The following PC variants were observed in gnomAD, a reference collection of about 807,000 sequenced individuals.
The protein encoded by PC is pyruvate carboxylase.
In PC, 46 loss-of-function variants were observed where a neutral mutation model predicts 107.8. That is an observed-to-expected ratio of 0.43 (90% CI 0.34 to 0.55). The LOEUF (loss-of-function observed/expected upper bound fraction) is 0.55. PC is among the 20% of genes least tolerant of loss of function. The pLI is 0.04. For synonymous variants in PC, 662 were observed against 684.7 expected (o/e 0.97, Z 0.52); for missense variants, 1,241 against 1,643.1 (o/e 0.76, Z 4.23).
intron 3 of PC, among the ~76,000 whole-genome samples, chr11:66,929,919 A>C (rs1020424794): frequency 3.9e-5 from 6 of 152,220 alleles, no homozygotes; most frequent in Non-Finnish European, 8.8e-5. Context: ...GTTAACACTG[A>C]AGCTTTTATC....
At position 66,887,271 on chromosome 11, in the gene PC, G is replaced by A. The variant is rs149731192; in HGVS notation, c.1-15112C>T. On this transcript the variant is annotated intron_variant, in intron 3 of 22. Transcript: ENST00000393960. Reference sequence around the variant, plus strand: ...TGGTGTCTCATTTTTCAGTGTGAACGGTCAGCGAACCACCACCAGATATTT... The same window carrying A: ...TGGTGTCTCATTTTTCAGTGTGAACAGTCAGCGAACCACCACCAGATATTT... Among the ~76,000 whole-genome samples the A allele has an allele frequency of 2.6e-5, 4 of 152,112 alleles. No homozygotes were observed. The South Asian group carries it at 6.2e-4, about 24-fold the overall frequency.
chr11:66,924,842 G>A (rs989391886), intron 3 of PC, among the ~76,000 whole-genome samples: 2 of 152,166 alleles, frequency 1.3e-5, no homozygotes, highest in African/African-American at 2.4e-5. Context: ...GGTATCGGGG[G>A]AAACAGCCCC....
chr11:66,918,837 C>A (rs1948527153), intron 3 of PC, among the ~76,000 whole-genome samples: 1 of 152,104 alleles, frequency 6.6e-6, no homozygotes, highest in Non-Finnish European at 1.5e-5. Flanking sequence ...AAGCAGAGCC[C>A]CAGCCCAGTG....
chr11:66,945,967 T>G (rs1228062823), intron 3 of PC, among the ~76,000 whole-genome samples: 1 of 150,696 alleles, frequency 6.6e-6, no homozygotes, highest in Admixed American at 6.6e-5. Flanking sequence ...GCGCCTGTAG[T>G]CCCAGCTACT....
chr11:66,854,858 G>A (rs1237189367), intron 12 of PC, among the ~76,000 whole-genome samples: 2 of 152,168 alleles, frequency 1.3e-5, no homozygotes, highest in Non-Finnish European at 2.9e-5. Flanking sequence ...CCTGAGCCTC[G>A]CCCCTGCCTC....
In PC at chr11:66,852,383, C is replaced by A; in HGVS notation, c.1825+56G>T. The A allele has an allele frequency of 2.9e-6, 4 of 1,387,994 alleles. No homozygotes were observed. The highest frequency in any genetic ancestry group is 3.5e-4 in the Middle Eastern group (2 of 5,646). The allele number at this position is 1,387,994 out of a possible 1,614,324, so 86.0% of individuals were successfully genotyped here. On this transcript the variant is annotated intron_variant, in intron 15 of 22. Coordinates refer to ENST00000393960, the MANE Select transcript of PC (RefSeq NM_001040716.2). This position sits in a 1 kb window ranked among gnomAD's most constrained non-coding sequence, Gnocchi z 4.7. ...TCCCCAGTGGCCTAAGCCTGTGGGA[C>A]TGGCCACAGAGCGGGCGCCCATTCC...
chr11:66,875,416 A>C (rs1401416262), intron 3 of PC, among the ~76,000 whole-genome samples: 2 of 152,120 alleles, frequency 1.3e-5, no homozygotes, highest in Admixed American at 1.3e-4. Flanking sequence ...AGGCAAGCTC[A>C]CAGAGGGGGA....
chr11:66,916,210 C>CTTGT (rs1948459441), intron 3 of PC, among the ~76,000 whole-genome samples: 2 of 152,330 alleles, frequency 1.3e-5, no homozygotes, highest in East Asian at 3.9e-4. Flanking sequence ...CAGCTGTAGA[C>CTTGT]AGCAAGCCTG....
Position 66,850,211 on chromosome 11 carries a change from C to G in PC, c.2718+9G>C, listed in dbSNP as rs201942341. 8 of 1,613,920 alleles carry G rather than the reference C, an allele frequency of 5.0e-6. No individual in the cohort carries two copies. The highest frequency in any genetic ancestry group is 5.9e-6 in the Non-Finnish European group (7 of 1,180,020). ...CTGGGTCAGGTAAGGAGCACCGGGC[C>G]GGGCTCACCTTGATGAGATCGCCCA... On this transcript the variant is annotated intron_variant, in intron 19 of 22. Transcript: ENST00000393960.
At position 66,858,499 on chromosome 11, in the gene PC, A is replaced by C; in HGVS notation, c.1369-5116T>G. On this transcript the variant is annotated intron_variant, in intron 12 of 22. Transcript: ENST00000393960. This position sits in a 1 kb window ranked among gnomAD's most constrained non-coding sequence, Gnocchi z 5.9. The stretch of plus-strand genomic sequence containing the variant: ...TGGCTGCGGCGGCTGGCGCGGCCGG[A>C]CGACCTGGAAACGTGCGCCTCCCCG... The C allele has an allele frequency of 6.5e-7, 1 of 1,537,542 alleles. No individual in the cohort carries two copies. The highest frequency in any genetic ancestry group is 8.7e-7 in the Non-Finnish European group (1 of 1,147,714).
Position 66,857,921 on chromosome 11 carries a change from C to T in PC, c.1369-4538G>A, listed in dbSNP as rs915620050. ...TGGAGCTGCGGCTGGCTGACAACTT[C>T]ATCCAGGCCCTGGGGCCCCCTGACT... On this transcript the variant is annotated intron_variant, in intron 12 of 22. Transcript: ENST00000393960. The surrounding 1 kb of genome is among the most constrained non-coding windows in gnomAD (Gnocchi z 7.1). 1.9e-6 allele frequency: 3 copies of T among 1,612,358 alleles called. No individual in the cohort carries two copies. Among genetic ancestry groups the T allele is most frequent in the Non-Finnish European group, 2.5e-6 (3 of 1,179,920 alleles).
intron 3 of PC, among the ~76,000 whole-genome samples, chr11:66,907,246 G>A (rs1056376035): frequency 1.3e-5 from 2 of 152,170 alleles, no homozygotes; most frequent in Non-Finnish European, 2.9e-5. Flanking sequence ...ACCTGTTCTC[G>A]GCCAGGAACA....
intron 3 of PC, among the ~76,000 whole-genome samples, chr11:66,900,250 G>A (rs1011433212): frequency 1.5e-5 from 2 of 133,026 alleles, no homozygotes; most frequent in Non-Finnish European, 3.1e-5. Context: ...GCACGATCTC[G>A]GCTCACTGCA....
chr11:66,955,232 A>G (rs58462309), intron 1 of PC, among the ~76,000 whole-genome samples: 26,552 of 152,140 alleles, frequency 0.17, 2,844 homozygotes, highest in African/African-American at 0.29. Context: ...AGAGGGACAC[A>G]GGGAACTGTG....
chr11:66,908,772 G>A (rs1948245639), intron 3 of PC, among the ~76,000 whole-genome samples: 4 of 152,156 alleles, frequency 2.6e-5, no homozygotes, highest in Admixed American at 2.6e-4. Flanking sequence ...ACGTAAGTGC[G>A]CCCTGATCCA....
In PC at chr11:66,853,387, C is replaced by T. The variant is rs2135822186; in HGVS notation, c.1369-4G>A. On this transcript the variant is annotated splice_region_variant and splice_polypyrimidine_tract_variant and intron_variant, in intron 12 of 22. Coordinates refer to ENST00000393960, the MANE Select transcript of PC (RefSeq NM_001040716.2). ...TCTGCAGGAAGGCGATGTTGGTCTG[C>T]AGGACAGAGGCGGGTGGGAGGGGGT... 5 of 1,613,552 alleles carry T rather than the reference C, an allele frequency of 3.1e-6. No homozygotes were observed. Among genetic ancestry groups the T allele is most frequent in the Non-Finnish European group, 4.2e-6 (5 of 1,179,762 alleles).
chr11:66,900,847 A>C (rs1947929259), intron 3 of PC, among the ~76,000 whole-genome samples: 1 of 152,160 alleles, frequency 6.6e-6, no homozygotes, highest in Non-Finnish European at 1.5e-5. Context: ...ATGTCCTGCA[A>C]CCTTGCTGAA....
At chr11:66,856,878 G>A (rs1474029103) in intron 12 of PC, 3 of 148,666 alleles carry the variant, frequency 2.0e-5, no homozygotes, top group Non-Finnish European at 3.0e-5. Context: ...AGTGCGCTGC[G>A]GCAGCGCCGG....
At position 66,857,832 on chromosome 11, in the gene PC, C is replaced by T. The variant is rs1348530517; in HGVS notation, c.1369-4449G>A. The T allele has an allele frequency of 5.6e-6, 9 of 1,605,504 alleles. No individual in the cohort carries two copies. The highest frequency in any genetic ancestry group is 1.3e-5 in the African/African-American group (1 of 74,880). ...CGTCTGCCAGAACCTGTCCGAGTCG[C>T]TCAGCACCCTCTGTGCCCACCGAGG... On this transcript the variant is annotated intron_variant, in intron 12 of 22. Coordinates refer to ENST00000393960, the MANE Select transcript of PC (RefSeq NM_001040716.2). The surrounding 1 kb of genome is among the most constrained non-coding windows in gnomAD (Gnocchi z 7.1).
Sources: gnomAD v4.1 joint callset for allele counts (sites outside exome capture counted in the v4.1 genomes callset) on GRCh38, gnomAD v4.1.1 for gene constraint, Gnocchi (gnomAD v3.1) non-coding constraint, MANE v1.5 for transcripts, NCBI Gene and HGNC (gene_info 2026-07-23, HGNC 2026-07-21) for gene names.